The following VPS33B variants were observed in gnomAD, a reference collection of about 807,000 sequenced individuals.
The protein encoded by VPS33B is VPS33B late endosome and lysosome associated, also known as vacuolar protein sorting-associated protein 33B.
Under a neutral mutation model 95.3 loss-of-function variants are expected in VPS33B, and 80 were observed. The observed-to-expected ratio is 0.84, with a 90% CI of 0.70 to 1.01. The LOEUF is 1.01. VPS33B is among the 50% of genes least tolerant of loss of function. VPS33B has a pLI of 0.00. For synonymous variants in VPS33B, 280 were observed against 280.4 expected (o/e 1.00, Z 0.01); for missense variants, 715 against 773.4 (o/e 0.92, Z 0.90).
At position 91,011,991 on chromosome 15, in the gene VPS33B, A is replaced by G. The variant is rs1045346799; in HGVS notation, c.357+1813T>C. Among the ~76,000 whole-genome samples, 2 of 98,042 alleles carry G rather than the reference A, an allele frequency of 2.0e-5. No homozygotes were observed. The highest frequency in any genetic ancestry group is 8.9e-5 in the African/African-American group (2 of 22,488). The allele number at this position is 98,042 out of a possible 152,430, so 64.3% of individuals were successfully genotyped here. The stretch of plus-strand genomic sequence containing the variant: ...GTGACAGAGCAATGCACTGTCTCCA[A>G]AAACAAAACAAAACAAAACAAAACA... On this transcript the variant is annotated intron_variant, in intron 5 of 22. Transcript: ENST00000333371. The surrounding 1 kb of genome is among the most constrained non-coding windows in gnomAD (Gnocchi z 5.5).
chr15:91,016,989 G>T lies in VPS33B; in HGVS notation c.213C>A (p.Asn71Lys), dbSNP rs537933042. ...GTTCATTGGAGCTGAGGGCTGGCTT[G>T]TTCTCCACCTTGTATAGCTTGTCTA... is the stretch of plus-strand genomic sequence containing the variant. Reference protein sequence around the residue: ...HEVDKLYKVENKPALSSNEQL... With the variant: ...HEVDKLYKVEKKPALSSNEQL... Residue 71 changes from asparagine to lysine, a missense_variant, in exon 3 of 23, where the codon AAC becomes AAA. Asn to Lys is a moderately conservative substitution (Grantham distance 94). Transcript: ENST00000333371. The T allele has an allele frequency of 1.2e-6, 2 of 1,614,014 alleles. No individual in the cohort carries two copies. The highest frequency in any genetic ancestry group is 2.7e-5 in the African/African-American group (2 of 75,010).
Position 91,005,660 on chromosome 15 carries a change from C to A in VPS33B, c.1030+34G>T. Reference sequence around the variant, plus strand: ...GGAGCTTTCCCCAGAGGGACACAGTCACTTCCCCTCACGCCCCTCAAGCTG... The same window carrying A: ...GGAGCTTTCCCCAGAGGGACACAGTAACTTCCCCTCACGCCCCTCAAGCTG... On this transcript the variant is annotated intron_variant, in intron 13 of 22. Transcript: ENST00000333371. This position sits in a 1 kb window ranked among gnomAD's most constrained non-coding sequence, Gnocchi z 6.4. 6.2e-7 allele frequency: 1 copy of A among 1,612,886 alleles called. No individual in the cohort carries two copies. Among genetic ancestry groups the A allele is most frequent in the South Asian group, 1.1e-5 (1 of 91,040 alleles).
rs971151976 is a variant in VPS33B, at chr15:91,015,363, T to A, written c.240-930A>T. 1.3e-5 allele frequency among the ~76,000 whole-genome samples: 2 copies of A among 150,402 alleles called. No individual in the cohort carries two copies. The highest frequency in any genetic ancestry group is 3.0e-5 in the Non-Finnish European group (2 of 67,602). On this transcript the variant is annotated intron_variant, in intron 3 of 22. Transcript: ENST00000333371. The surrounding 1 kb of genome is among the most constrained non-coding windows in gnomAD (Gnocchi z 4.7). ...AAAAAAATAAAATAAAATAAAATAATAATAAATAATAATAGTAAAATAAAA... is the reference window on the plus strand; with the variant it reads ...AAAAAAATAAAATAAAATAAAATAAAAATAAATAATAATAGTAAAATAAAA...
At position 91,009,670 on chromosome 15, in the gene VPS33B, A is replaced by T. The variant is rs946426342; in HGVS notation, c.403+131T>A. The T allele has an allele frequency of 5.8e-5, 56 of 964,756 alleles. No homozygotes were observed. The highest frequency in any genetic ancestry group is 8.5e-5 in the Non-Finnish European group (54 of 635,948). The allele number at this position is 964,756 out of a possible 1,614,324, so 59.8% of individuals were successfully genotyped here. On this transcript the variant is annotated intron_variant, in intron 6 of 22. Transcript: ENST00000333371. The surrounding 1 kb of genome is among the most constrained non-coding windows in gnomAD (Gnocchi z 4.1). The stretch of plus-strand genomic sequence containing the variant: ...ATTCTCAGGAACCTCTCCTCCTGCT[A>T]CACTAACAGGAATAAGACCAGGAAA...
chr15:91,021,867 T>C (rs923517739), intron 1 of VPS33B, among the ~76,000 whole-genome samples: 7 of 152,204 alleles, frequency 4.6e-5, no homozygotes, highest in Non-Finnish European at 7.3e-5. Flanking sequence ...AGTGGTAAGA[T>C]CCCTAATGGC....
rs2151689292 is a variant in VPS33B, at chr15:91,022,508, CG to C, written c.-260del. The C allele has an allele frequency of 2.7e-6, 1 of 364,260 alleles. No homozygotes were observed. The highest frequency in any genetic ancestry group is 4.3e-5 in the East Asian group (1 of 23,076). The allele number at this position is 364,260 out of a possible 1,614,324, so 22.6% of individuals were successfully genotyped here. A position where few individuals can be genotyped will look rare whatever the true frequency, so the allele number is the denominator to read the frequency against. On this transcript the variant is annotated 5_prime_UTR_variant, in exon 1 of 23. Coordinates refer to ENST00000333371, the MANE Select transcript of VPS33B (RefSeq NM_018668.5). ...CCCTCCCTCCCTGATCCACTCTGCC[CG>C]TCAGCAGGATTCCGGTCTACACCCC...
Position 90,999,163 on chromosome 15 carries a change from T to C in VPS33B, c.1775-109A>G. 5 of 1,001,240 alleles carry C rather than the reference T, an allele frequency of 5.0e-6. No homozygotes were observed. The highest frequency in any genetic ancestry group is 7.8e-6 in the Non-Finnish European group (5 of 643,448). The allele number at this position is 1,001,240 out of a possible 1,614,324, so 62.0% of individuals were successfully genotyped here. ...GTCCCCACGGGATCACAGCACCAGT[T>C]TATAGACAGAGACGTGAGTGCCATG... On this transcript the variant is annotated intron_variant, in intron 22 of 22. Transcript: ENST00000333371. The surrounding 1 kb of genome is among the most constrained non-coding windows in gnomAD (Gnocchi z 5.1).
In VPS33B at chr15:91,016,276, G is replaced by T. The variant is rs114869979; in HGVS notation, c.239+687C>A. ...GAAGGGGACACACGAGACAAGGCTG[G>T]AAAGGTAACGTGGGAGGCCACGCTG... is the stretch of plus-strand genomic sequence containing the variant. On this transcript the variant is annotated intron_variant, in intron 3 of 22. Coordinates refer to ENST00000333371, the MANE Select transcript of VPS33B (RefSeq NM_018668.5). Among the ~76,000 whole-genome samples, 575 of 152,256 alleles carry T rather than the reference G, an allele frequency of 3.8e-3. 2 individuals are homozygous for T. Among genetic ancestry groups the T allele is most frequent in the African/African-American group, 0.013 (548 of 41,544 alleles).
Position 90,999,619 on chromosome 15 carries a change from G to C in VPS33B, c.1774+58C>G. On this transcript the variant is annotated intron_variant, in intron 22 of 22. Transcript: ENST00000333371. This position sits in a 1 kb window ranked among gnomAD's most constrained non-coding sequence, Gnocchi z 5.1. ...CAGGTATGAACCACCGTGCCCAGCT[G>C]ACACTTTGTTACCCAGATACAATGC... 1 of 1,577,808 alleles carries C rather than the reference G, an allele frequency of 6.3e-7. No homozygotes were observed. Among genetic ancestry groups the C allele is most frequent in the Non-Finnish European group, 8.7e-7 (1 of 1,148,332 alleles).
chr15:91,017,531 G>A (rs956366435), intron 2 of VPS33B, among the ~76,000 whole-genome samples: 6 of 151,294 alleles, frequency 4.0e-5, no homozygotes, highest in Non-Finnish European at 8.8e-5. Flanking sequence ...GCTGAGGCAG[G>A]AGGATCACCT....
chr15:91,019,983 T>G (rs1234221414), intron 1 of VPS33B, among the ~76,000 whole-genome samples: 22 of 152,134 alleles, frequency 1.4e-4, no homozygotes. Context: ...TTTTGTATTT[T>G]TAATAGAGAT....
At position 91,018,112 on chromosome 15, in the gene VPS33B, C is replaced by T; in HGVS notation, c.97-227G>A. 1.9e-6 allele frequency: 1 copy of T among 539,682 alleles called. No individual in the cohort carries two copies. Among genetic ancestry groups the T allele is most frequent in the Non-Finnish European group, 3.4e-6 (1 of 294,154 alleles). The allele number at this position is 539,682 out of a possible 1,614,324, so 33.4% of individuals were successfully genotyped here. ...GTACCAGTGGGAAGAAGACATCCCA[C>T]CTTCTTTCTCAGGTTAACTCCTTGT... On this transcript the variant is annotated intron_variant, in intron 1 of 22. Coordinates refer to ENST00000333371, the MANE Select transcript of VPS33B (RefSeq NM_018668.5). The surrounding 1 kb of genome is among the most constrained non-coding windows in gnomAD (Gnocchi z 4.7).
intron 6 of VPS33B, among the ~76,000 whole-genome samples, chr15:91,008,789 G>T (rs1194415830): frequency 6.6e-6 from 1 of 152,174 alleles, no homozygotes; most frequent in Non-Finnish European, 1.5e-5. Flanking sequence ...TTAAAGGGAT[G>T]TAACCACAAC....
Position 91,013,832 on chromosome 15 carries a change from T to A in VPS33B, c.329A>T (p.Lys110Ile). Residue 110 changes from lysine to isoleucine, a missense_variant, in exon 5 of 23, where the codon AAA (lysine) becomes ATA (isoleucine). Transcript: ENST00000333371. The surrounding 1 kb of genome is among the most constrained non-coding windows in gnomAD (Gnocchi z 4.5). ...TTGAGGGCTGAAGATCACTTTGTAT[T>A]TGCGAGTTCGGCCAGCCAATTTGTC... Reference protein sequence around the residue: ...NADKLAGRTRKYKVIFSPQKF... With the variant: ...NADKLAGRTRIYKVIFSPQKF... 6.2e-7 allele frequency: 1 copy of A among 1,614,094 alleles called. No individual in the cohort carries two copies. The highest frequency in any genetic ancestry group is 8.5e-7 in the Non-Finnish European group (1 of 1,180,012).
At position 91,013,987 on chromosome 15, in the gene VPS33B, G is replaced by A. The variant is rs1381852769; in HGVS notation, c.290-116C>T. On this transcript the variant is annotated intron_variant, in intron 4 of 22. Transcript: ENST00000333371. This position sits in a 1 kb window ranked among gnomAD's most constrained non-coding sequence, Gnocchi z 4.5. ...TAATCCCAGCACTTGGGAGGCTGAG[G>A]CGGGTGGATCACCTGAGGTCAGGAG... 4 of 1,272,178 alleles carry A rather than the reference G, an allele frequency of 3.1e-6. No individual in the cohort carries two copies. The highest frequency in any genetic ancestry group is 4.6e-6 in the Non-Finnish European group (4 of 875,876). The allele number at this position is 1,272,178 out of a possible 1,614,324, so 78.8% of individuals were successfully genotyped here. A position where few individuals can be genotyped will look rare whatever the true frequency, so the allele number is the denominator to read the frequency against.
In VPS33B at chr15:90,999,282, C is replaced by T; in HGVS notation, c.1775-228G>A. ...GCTATGGCAAGTTGTATTCTGAGGC[C>T]AGGAGAAAAATATTCCTGTGCAGGA... On this transcript the variant is annotated intron_variant, in intron 22 of 22. Transcript: ENST00000333371. The surrounding 1 kb of genome is among the most constrained non-coding windows in gnomAD (Gnocchi z 5.1). 1 of 601,876 alleles carries T rather than the reference C, an allele frequency of 1.7e-6. No individual in the cohort carries two copies. Among genetic ancestry groups the T allele is most frequent in the Non-Finnish European group, 2.9e-6 (1 of 339,728 alleles). The allele number at this position is 601,876 out of a possible 1,614,324, so 37.3% of individuals were successfully genotyped here. A position where few individuals can be genotyped will look rare whatever the true frequency, so the allele number is the denominator to read the frequency against.
Position 91,005,685 on chromosome 15 carries a change from G to A in VPS33B, c.1030+9C>T, listed in dbSNP as rs763153927. On this transcript the variant is annotated intron_variant, in intron 13 of 22. Transcript: ENST00000333371. The surrounding 1 kb of genome is among the most constrained non-coding windows in gnomAD (Gnocchi z 6.4). ...CACTTCCCCTCACGCCCCTCAAGCT[G>A]AAACCTACGGAGACTCAGCAGGCGG... 6.2e-7 allele frequency: 1 copy of A among 1,614,136 alleles called. No homozygotes were observed. The highest frequency in any genetic ancestry group is 2.2e-5 in the East Asian group (1 of 44,878).
chr15:91,017,604 G>C (rs917721984), intron 2 of VPS33B, among the ~76,000 whole-genome samples: 2 of 150,624 alleles, frequency 1.3e-5, no homozygotes, highest in African/African-American at 4.9e-5. Flanking sequence ...TTCCAGCCTG[G>C]GCAACAGAGA....
rs73502797 is a variant in VPS33B at position 91,005,319 on chromosome 15, G to T, written c.1105+61C>A. ...AGAGAACATCTTTTAAGGGTGGGACGGGGCTGGGAGCTGGGGAAGTAGAAG... is the reference window on the plus strand; with the variant it reads ...AGAGAACATCTTTTAAGGGTGGGACTGGGCTGGGAGCTGGGGAAGTAGAAG... On this transcript the variant is annotated intron_variant, in intron 14 of 22. Transcript: ENST00000333371. This position sits in a 1 kb window ranked among gnomAD's most constrained non-coding sequence, Gnocchi z 6.4. The T allele has an allele frequency of 6.2e-7, 1 of 1,613,830 alleles. No individual in the cohort carries two copies. The highest frequency in any genetic ancestry group is 1.7e-5 in the Admixed American group (1 of 60,002).
Sources: gnomAD v4.1 joint callset for allele counts (sites outside exome capture counted in the v4.1 genomes callset) on GRCh38, gnomAD v4.1.1 for gene constraint, Gnocchi (gnomAD v3.1) non-coding constraint, MANE v1.5 for transcripts, NCBI Gene and HGNC (gene_info 2026-07-23, HGNC 2026-07-21) for gene names.